KCND3: variants seen among roughly 807,000 people sequenced by gnomAD.
KCND3 encodes the protein A-type voltage-gated potassium channel KCND3.
KCND3 carries 9 observed loss-of-function variants against 51.1 expected under a neutral mutation model. The observed-to-expected ratio is 0.18, with a 90% CI of 0.11 to 0.31. KCND3 has a LOEUF of 0.31. Ranked by LOEUF, KCND3 falls within the 10% of genes least tolerant of loss-of-function variation. The probability of loss-of-function intolerance (pLI) is 1.00; values close to 1 mark genes in which losing one functional copy is unlikely to be tolerated. For missense variants in KCND3, 526 were observed against 903.8 expected (o/e 0.58, Z 5.36); for synonymous variants, 349 against 368.0 (o/e 0.95, Z 0.59).
intron 2 of KCND3, among the ~76,000 whole-genome samples, chr1:111,846,931 T>C (rs1421528748): frequency 6.6e-6 from 1 of 152,212 alleles, no homozygotes; most frequent in East Asian, 1.9e-4. Flanking sequence ...AGTACCTGTG[T>C]TCTCCTACTG....
At chr1:111,840,077 C>G (rs191603934) in intron 2 of KCND3, among the ~76,000 whole-genome samples, 1 of 152,314 alleles carries the variant, frequency 6.6e-6, no homozygotes, top group East Asian at 1.9e-4. Flanking sequence ...GATGGCCGTC[C>G]TTGCTGCATC....
intron 2 of KCND3, among the ~76,000 whole-genome samples, chr1:111,799,384 G>A (rs1665193577): frequency 6.6e-6 from 1 of 152,188 alleles, no homozygotes; most frequent in South Asian, 2.1e-4. Flanking sequence ...ACACTATCAG[G>A]AATCACAATG....
chr1:111,885,238 C>T (rs542318966), intron 2 of KCND3, among the ~76,000 whole-genome samples: 17 of 152,296 alleles, frequency 1.1e-4, no homozygotes, highest in East Asian at 1.9e-4. Context: ...ACTGTGTACC[C>T]GCATGCTGAT....
At chr1:111,924,163 G>A (rs528678118) in intron 2 of KCND3, among the ~76,000 whole-genome samples, 8 of 152,318 alleles carry the variant, frequency 5.3e-5, no homozygotes, top group South Asian at 2.1e-4. Flanking sequence ...AAGCACCTGC[G>A]TGCCAGGCAC....
chr1:111,980,493 G>C (rs557892965), intron 2 of KCND3, among the ~76,000 whole-genome samples: 3 of 146,922 alleles, frequency 2.0e-5, no homozygotes, highest in Non-Finnish European at 4.5e-5. Context: ...TTTTGGCCAG[G>C]AAAAAAAAAA....
In KCND3 at chr1:111,780,543, G is replaced by A. The variant is rs1664330233; in HGVS notation, c.1371+147C>T. ...ATCCTATGGAAGTGGTGTGTGAATG[G>A]GGGGCTGCTACCTGGGGAAAGTTTG... is the stretch of plus-strand genomic sequence containing the variant. On this transcript the variant is annotated intron_variant, in intron 4 of 7. Transcript: ENST00000302127. The surrounding 1 kb of genome is among the most constrained non-coding windows in gnomAD (Gnocchi z 4.2). 6.1e-6 allele frequency: 5 copies of A among 822,388 alleles called. No individual in the cohort carries two copies. The highest frequency in any genetic ancestry group is 1.5e-5 in the South Asian group (1 of 68,276). 50.9% of individuals were successfully genotyped at this position (822,388 alleles called of 1,614,324 possible). A position where few individuals can be genotyped will look rare whatever the true frequency, so the allele number is the denominator to read the frequency against.
intron 2 of KCND3, among the ~76,000 whole-genome samples, chr1:111,862,424 A>G (rs1668375235): frequency 6.6e-6 from 1 of 152,390 alleles, no homozygotes; most frequent in South Asian, 2.1e-4. Flanking sequence ...TTCACTAAAA[A>G]ATAAGTTTTG....
intron 2 of KCND3, chr1:111,910,829 T>C (rs1043814321): frequency 6.6e-6 from 1 of 152,202 alleles, no homozygotes; most frequent in African/African-American, 2.4e-5. Flanking sequence ...GAGCCAGACC[T>C]ATATGATACA....
intron 2 of KCND3, among the ~76,000 whole-genome samples, chr1:111,867,202 T>C (rs187519457): frequency 4.0e-3 from 603 of 152,248 alleles, no homozygotes; most frequent in Non-Finnish European, 6.1e-3. Context: ...TATAAGCTCT[T>C]GCCCGTCATT....
At position 111,943,003 on chromosome 1, in the gene KCND3, G is replaced by A. The variant is rs9429428; in HGVS notation, c.1106+38618C>T. Among the ~76,000 whole-genome samples, 2,482 of 152,208 alleles carry A rather than the reference G, an allele frequency of 0.016. 273 individuals carry two copies. In the East Asian group the frequency reaches 0.3, roughly 18 times the overall value. ...ATGAATGCTGTGCTGGAGGGAATGC[G>A]GAGAAGACAGGAGGAGGCACTCATG... On this transcript the variant is annotated intron_variant, in intron 2 of 7. Transcript: ENST00000302127.
intron 5 of KCND3, among the ~76,000 whole-genome samples, chr1:111,779,115 A>G (rs774058113): frequency 6.6e-6 from 1 of 152,130 alleles, no homozygotes; most frequent in Non-Finnish European, 1.5e-5. Flanking sequence ...CCCATTTTGG[A>G]AGTAATTATT....
At position 111,982,382 on chromosome 1, in the gene KCND3, G is replaced by A. The variant is rs1365809811; in HGVS notation, c.345C>T (p.Asp115=). The A allele has an allele frequency of 1.9e-6, 3 of 1,614,064 alleles. No homozygotes were observed. The highest frequency in any genetic ancestry group is 1.3e-5 in the African/African-American group (1 of 74,912). ...GGATGCCGTAGAAGGCCAGCTCGTC[G>A]TCGTAGGCAGAGATGCACTCGTAGC... The part of the protein sequence containing the change: ...YPRYECISAY[D]DELAFYGILP... Residue 115 remains aspartate, a synonymous_variant, in exon 2 of 8, where the codon GAC becomes GAT. Transcript: ENST00000302127. The surrounding 1 kb of genome is among the most constrained non-coding windows in gnomAD (Gnocchi z 8.5).
intron 2 of KCND3, among the ~76,000 whole-genome samples, chr1:111,953,839 C>T (rs763538528): frequency 1.3e-5 from 2 of 152,206 alleles, no homozygotes; most frequent in Non-Finnish European, 2.9e-5. Flanking sequence ...AACCCAGGGA[C>T]GCTTTGGTTA....
At chr1:111,803,820 A>G (rs960461409) in intron 2 of KCND3, among the ~76,000 whole-genome samples, 4 of 152,214 alleles carry the variant, frequency 2.6e-5, no homozygotes, top group Non-Finnish European at 5.9e-5. Flanking sequence ...AAAGTTAGAA[A>G]AAAAAACTTC....
Position 111,880,849 on chromosome 1 carries a change from A to AATGTAATTGTAATTT in KCND3, c.1107-93744_1107-93743insAAATTACAATTACAT, listed in dbSNP as rs539726989. On this transcript the variant is annotated intron_variant, in intron 2 of 7. Transcript: ENST00000302127. ...GCTTTCCCACTGCTAGGTAATTACA[A>AATGTAATTGTAATTT]CAGGTTTTTATTCCAAATGTAAAGA... 7.2e-4 allele frequency among the ~76,000 whole-genome samples: 109 copies of AATGTAATTGTAATTT among 152,298 alleles called. 1 individual carries two copies. The highest frequency in any genetic ancestry group is 2.3e-3 in the African/African-American group (94 of 41,564).
intron 1 of KCND3, among the ~76,000 whole-genome samples, chr1:111,988,010 G>A (rs78534415): frequency 0.01 from 1,569 of 152,262 alleles, 45 homozygotes; most frequent in Admixed American, 0.053. Context: ...AAAGGGGGTG[G>A]AGTGACCAGA....
chr1:111,818,040 GCACA>G (rs59035556), intron 2 of KCND3, among the ~76,000 whole-genome samples: 60,033 of 147,822 alleles, frequency 0.41, 12,883 homozygotes, highest in South Asian at 0.5. Context: ...ACACGCGCGT[GCACA>G]CACACACACA....
chr1:111,915,666 T>C (rs947047224), intron 2 of KCND3, among the ~76,000 whole-genome samples: 2 of 146,424 alleles, frequency 1.4e-5, no homozygotes, highest in African/African-American at 5.1e-5. Flanking sequence ...GGCAGGAGAA[T>C]GGCGTGAACC....
chr1:111,986,845 G>C (rs746343122), intron 1 of KCND3, among the ~76,000 whole-genome samples: 1 of 152,120 alleles, frequency 6.6e-6, no homozygotes, highest in Non-Finnish European at 1.5e-5. Context: ...GCTCAGCACA[G>C]GGCACACAAC....
Sources: allele counts gnomAD v4.1 joint callset (sites outside exome capture counted in the v4.1 genomes callset), GRCh38; gene constraint gnomAD v4.1.1; non-coding constraint Gnocchi (gnomAD v3.1); transcripts MANE v1.5; gene names NCBI Gene and HGNC (gene_info 2026-07-23, HGNC 2026-07-21).